PTPRM: variants seen among roughly 807,000 people sequenced by gnomAD.
PTPRM encodes receptor-type tyrosine-protein phosphatase mu.
Under a neutral mutation model 186.7 loss-of-function variants are expected in PTPRM, and 47 were observed. The observed-to-expected ratio is 0.25, with a 90% CI of 0.20 to 0.32. The LOEUF (loss-of-function observed/expected upper bound fraction) is 0.32. PTPRM is among the 10% of genes least tolerant of loss of function. PTPRM has a pLI of 1.00. For synonymous variants in PTPRM, 668 were observed against 674.9 expected, an observed-to-expected ratio of 0.99 and a Z score of 0.16; for missense variants, 1,494 against 1,865.0, an observed-to-expected ratio of 0.80 and a Z score of 3.66.
intron 14 of PTPRM, among the ~76,000 whole-genome samples, chr18:8,243,135 G>A (rs1344543382): frequency 2.6e-5 from 4 of 152,268 alleles, no homozygotes; most frequent in African/African-American, 7.2e-5. Context: ...GTTTATTTAT[G>A]TTAGTTTCCC....
chr18:7,689,112 G>A (rs2039676155), intron 1 of PTPRM, among the ~76,000 whole-genome samples: 1 of 151,706 alleles, frequency 6.6e-6, no homozygotes, highest in Non-Finnish European at 1.5e-5. Context: ...GGATAGGTAT[G>A]TAGGTAATTC....
chr18:8,077,265 A>T (rs546666043), intron 9 of PTPRM, among the ~76,000 whole-genome samples: 1 of 152,266 alleles, frequency 6.6e-6, no homozygotes, highest in South Asian at 2.1e-4. Flanking sequence ...CCACAAAATT[A>T]TATGTTGTAA....
intron 1 of PTPRM, among the ~76,000 whole-genome samples, chr18:7,758,022 C>T (rs2041587698): frequency 6.6e-6 from 1 of 152,082 alleles, no homozygotes; most frequent in African/African-American, 2.4e-5. Context: ...TCACGGGGGA[C>T]ACATCCTAAA....
chr18:8,200,189 AG>A (rs1568508475), intron 14 of PTPRM, among the ~76,000 whole-genome samples: 1 of 152,016 alleles, frequency 6.6e-6, no homozygotes, highest in African/African-American at 2.4e-5. Context: ...AAGTAGAGCA[AG>A]TTTGGGGACT....
At chr18:7,784,913 G>A (rs1286356940) in intron 2 of PTPRM, among the ~76,000 whole-genome samples, 1 of 152,194 alleles carries the variant, frequency 6.6e-6, no homozygotes, top group Non-Finnish European at 1.5e-5. Context: ...CCACCCAGTT[G>A]GAGGCCATGG....
At chr18:7,689,546 A>G (rs964934822) in intron 1 of PTPRM, among the ~76,000 whole-genome samples, 118 of 152,242 alleles carry the variant, frequency 7.8e-4, no homozygotes, top group Non-Finnish European at 3.1e-4. Flanking sequence ...GTTAAGCCCT[A>G]TGGCCTCCTG....
At chr18:7,865,127 A>G (rs946570043) in intron 2 of PTPRM, among the ~76,000 whole-genome samples, 3 of 152,176 alleles carry the variant, frequency 2.0e-5, no homozygotes, top group African/African-American at 4.8e-5. Flanking sequence ...TAAATATACA[A>G]TCATGTCATC....
At chr18:7,900,887 G>C (rs1380291124) in intron 3 of PTPRM, among the ~76,000 whole-genome samples, 1 of 152,050 alleles carries the variant, frequency 6.6e-6, no homozygotes, top group African/African-American at 2.4e-5. Flanking sequence ...AGAAAAACTT[G>C]GTACATGGCT....
intron 14 of PTPRM, among the ~76,000 whole-genome samples, chr18:8,169,501 G>GTA (rs2093368195): frequency 6.6e-6 from 1 of 152,162 alleles, no homozygotes; most frequent in South Asian, 2.1e-4. Context: ...TTCATAAAGT[G>GTA]TACCTCCATG....
At chr18:8,265,169 A>G (rs1034977189) in intron 19 of PTPRM, among the ~76,000 whole-genome samples, 1 of 152,192 alleles carries the variant, frequency 6.6e-6, no homozygotes, top group African/African-American at 2.4e-5. Context: ...GACAGCGCCA[A>G]TTCTGCTGTG....
In PTPRM at chr18:8,240,487, GA is replaced by G. The variant is rs1451273928; in HGVS notation, c.2301-3570del. Among the ~76,000 whole-genome samples, 230 of 68,510 alleles carry G rather than the reference GA, an allele frequency of 3.4e-3. 11 individuals are homozygous for G. Among genetic ancestry groups the G allele is most frequent in the African/African-American group, 0.017 (224 of 13,560 alleles). The allele number at this position is 68,510 out of a possible 152,430, so 44.9% of individuals were successfully genotyped here. A position where few individuals can be genotyped will look rare whatever the true frequency, so the allele number is the denominator to read the frequency against. ...AGAGGGAGGGAGGGAGGGGAGGAGA[GA>G]GAGAGAGAGAGAGGAAGGAAGGAAG... On this transcript the variant is annotated intron_variant, in intron 14 of 32. Transcript: ENST00000580170.
intron 24 of PTPRM, among the ~76,000 whole-genome samples, chr18:8,373,821 A>G (rs140380623): frequency 7.2e-5 from 11 of 151,882 alleles, no homozygotes; most frequent in Admixed American, 2.0e-4. Context: ...AGAGTTCAAG[A>G]CTGCAGTGAC....
chr18:8,282,782 A>T (rs1441961896), intron 19 of PTPRM, among the ~76,000 whole-genome samples: 1 of 152,218 alleles, frequency 6.6e-6, no homozygotes, highest in Non-Finnish European at 1.5e-5. Context: ...CTGTAAATAA[A>T]TATCCATAAC....
At chr18:8,163,329 A>G (rs147135044) in intron 14 of PTPRM, among the ~76,000 whole-genome samples, 417 of 152,026 alleles carry the variant, frequency 2.7e-3, no homozygotes, top group African/African-American at 9.6e-3. Flanking sequence ...TGCTAGCCTG[A>G]TTTTCTAAAT....
At chr18:7,711,737 G>A (rs991195681) in intron 1 of PTPRM, among the ~76,000 whole-genome samples, 1 of 152,108 alleles carries the variant, frequency 6.6e-6, no homozygotes, top group African/African-American at 2.4e-5. Context: ...TGGGGCGGAG[G>A]CCTCCACAGC....
intron 7 of PTPRM, among the ~76,000 whole-genome samples, chr18:8,064,944 T>C (rs1174792152): frequency 2.6e-5 from 4 of 152,186 alleles, no homozygotes; most frequent in African/African-American, 7.2e-5. Context: ...AGGAGTACAG[T>C]AGCTGGAGGT....
chr18:8,061,489 A>G (rs1356204368), intron 7 of PTPRM, among the ~76,000 whole-genome samples: 1 of 89,068 alleles, frequency 1.1e-5, no homozygotes, highest in Non-Finnish European at 2.4e-5. Context: ...TGTGAATTTC[A>G]TCCTGTCATT....
chr18:7,576,391 A>G (rs2036687202), intron 1 of PTPRM, among the ~76,000 whole-genome samples: 2 of 152,192 alleles, frequency 1.3e-5, no homozygotes, highest in South Asian at 4.1e-4. Flanking sequence ...CTATGGAATC[A>G]AAATGGGCTC....
intron 1 of PTPRM, among the ~76,000 whole-genome samples, chr18:7,733,454 A>C (rs934895244): frequency 3.9e-5 from 6 of 152,070 alleles, no homozygotes; most frequent in Non-Finnish European, 7.3e-5. Flanking sequence ...CATGGTGTAT[A>C]TGTGCCACAT....
Sources: allele counts gnomAD v4.1 joint callset (sites outside exome capture counted in the v4.1 genomes callset), GRCh38; gene constraint gnomAD v4.1.1; transcripts MANE v1.5; gene names NCBI Gene and HGNC (gene_info 2026-07-23, HGNC 2026-07-21).